Variants in ZGRF1 observed in about 807,000 individuals in gnomAD.
ZGRF1 encodes zinc finger GRF-type containing 1.
A neutral mutation model predicts 203.5 loss-of-function variants in ZGRF1; 196 were observed. The ratio of observed to expected loss-of-function variants is 0.96; its 90% CI spans 0.86 to 1.08. ZGRF1 has a LOEUF of 1.08. Ranked by LOEUF, ZGRF1 falls within the 50% of genes least tolerant of loss-of-function variation. The pLI is 0.00. For missense variants in ZGRF1, 2,326 were observed against 2,416.3 expected (o/e 0.96, Z 0.78); for synonymous variants, 809 against 841.3 (o/e 0.96, Z 0.66).
chr4:112,619,092 G>A lies in ZGRF1; in HGVS notation c.950C>T (p.Ser317Leu). 1 of 1,613,848 alleles carries A rather than the reference G, an allele frequency of 6.2e-7. No individual in the cohort carries two copies. The highest frequency in any genetic ancestry group is 8.5e-7 in the Non-Finnish European group (1 of 1,179,906). Residue 317 changes from serine to leucine, a missense_variant, in exon 6 of 28, where the codon TCA becomes TTA. By Grantham distance (145) the Ser-to-Leu change is moderately radical (BLOSUM62 -2). Coordinates refer to ENST00000505019, the MANE Select transcript of ZGRF1 (RefSeq NM_018392.5). ...GCTTTTATTTCTCATGGTATTTTCTGATTGATGCTGGTAGTATAAATTTTC... is the reference window on the plus strand; with the variant it reads ...GCTTTTATTTCTCATGGTATTTTCTAATTGATGCTGGTAGTATAAATTTTC... The part of the protein sequence containing the change: ...STENLYYQHQ[S>L]ENTMRNKSRW...
rs370768645 is a variant in ZGRF1 at position 112,562,592 on chromosome 4, CAT to C, written c.4583-109_4583-108del. The C allele has an allele frequency of 3.3e-4, 224 of 688,322 alleles. No individual in the cohort carries two copies. In the African/African-American group the frequency reaches 3.6e-3, roughly 11 times the overall value. 42.6% of individuals were successfully genotyped at this position (688,322 alleles called of 1,614,324 possible). ...CAGAGTTCAGCTACTGAATTAAGCACATGACATAAAACAAACCCTTAAACACA... is the reference window on the plus strand; with the variant it reads ...CAGAGTTCAGCTACTGAATTAAGCACGACATAAAACAAACCCTTAAACACA... On this transcript the variant is annotated intron_variant, in intron 17 of 27. Transcript: ENST00000505019.
intron 16 of ZGRF1, among the ~76,000 whole-genome samples, chr4:112,576,169 GTC>G (rs1460820315): frequency 6.6e-6 from 1 of 152,208 alleles, no homozygotes; most frequent in Non-Finnish European, 1.5e-5. Flanking sequence ...GGCAAACAGG[GTC>G]TGGAGTGGAC....
intron 19 of ZGRF1, 110 bp from the exon 20 acceptor site, chr4:112,558,419 G>C: frequency 1.1e-6 from 1 of 873,776 alleles, no homozygotes; most frequent in Non-Finnish European, 1.6e-6. Flanking sequence ...CCAGGCTGGA[G>C]TGCAGTGACA....
intron 11 of ZGRF1, 74 bp from the exon 12 acceptor site, chr4:112,588,003 T>C: frequency 9.2e-7 from 1 of 1,088,306 alleles, no homozygotes; most frequent in Non-Finnish European, 1.3e-6. Flanking sequence ...AAACAGTGGG[T>C]ATACAAAAGC....
chr4:112,555,064 A>G (rs1024618289), intron 20 of ZGRF1, among the ~76,000 whole-genome samples: 6 of 152,224 alleles, frequency 3.9e-5, no homozygotes, highest in Non-Finnish European at 7.3e-5. Context: ...AATTGCCTCT[A>G]AAGACATAAT....
In ZGRF1 at chr4:112,584,174, C is replaced by G. The variant is rs1451708037; in HGVS notation, c.4102G>C (p.Gly1368Arg). ...VMVKKEGPNK[G>R]RLFYTCDGPK... Reference sequence around the variant, plus strand: ...CCATCACATGTATAAAAGAGACGACCCTAAGGGGAAAGAAAAAAGATCAAC... The same window carrying G: ...CCATCACATGTATAAAAGAGACGACGCTAAGGGGAAAGAAAAAAGATCAAC... Residue 1368 changes from glycine (G) to arginine (R), a missense_variant and splice_region_variant, in exon 15 of 28, where the codon GGT (glycine) becomes CGT (arginine). By Grantham distance (125) the Gly-to-Arg change is moderately radical. Transcript: ENST00000505019. 6.4e-6 allele frequency: 10 copies of G among 1,554,078 alleles called. No individual in the cohort carries two copies. Among genetic ancestry groups the G allele is most frequent in the Non-Finnish European group, 8.7e-6 (10 of 1,154,778 alleles).
At chr4:112,548,091 A>G (rs1482594545) in intron 23 of ZGRF1, among the ~76,000 whole-genome samples, 162 bp downstream of exon 23, 1 of 151,988 alleles carries the variant, frequency 6.6e-6, no homozygotes, top group Non-Finnish European at 1.5e-5. Flanking sequence ...TTAGGCACAC[A>G]CTACCATGCC....
chr4:112,581,209 A>G (rs1746181765), intron 16 of ZGRF1, among the ~76,000 whole-genome samples: 1 of 145,626 alleles, frequency 6.9e-6, no homozygotes, highest in Non-Finnish European at 1.5e-5. Context: ...GTTCTCACTC[A>G]TAGGTGGGAA....
rs1737506918 is a variant in ZGRF1 at position 112,541,160 on chromosome 4, T to C, written c.5707A>G (p.Ile1903Val). 1.9e-6 allele frequency: 3 copies of C among 1,611,990 alleles called. No homozygotes were observed. The highest frequency in any genetic ancestry group is 2.2e-5 in the East Asian group (1 of 44,838). ...CATTCCAATAAAGGGCTCCGCTCTA[T>C]TTCTGTTACACCATTCATGAGGGCT... ...KGALMNGVTE[I>V]ERSPLLEWLP... Residue 1903 changes from isoleucine to valine, a missense_variant, in exon 25 of 28, where the codon ATA becomes GTA. Physicochemically the swap from Ile to Val is conservative, Grantham distance 29. Coordinates refer to ENST00000505019, the MANE Select transcript of ZGRF1 (RefSeq NM_018392.5).
At chr4:112,635,224 T>C (rs912922220) in intron 1 of ZGRF1, among the ~76,000 whole-genome samples, 2 of 150,302 alleles carry the variant, frequency 1.3e-5, no homozygotes, top group African/African-American at 5.0e-5. Context: ...GCCAAGAAGA[T>C]AAAAGAGAGA....
chr4:112,568,234 C>G (rs940105440), intron 16 of ZGRF1, among the ~76,000 whole-genome samples: 1 of 151,728 alleles, frequency 6.6e-6, no homozygotes, highest in Non-Finnish European at 1.5e-5. Context: ...AATGAAGATC[C>G]ATTTCCCAGA....
rs144483330 is a variant in ZGRF1 at position 112,630,207 on chromosome 4, G to A, written c.102+1723C>T. Among the ~76,000 whole-genome samples, 943 of 152,198 alleles carry A rather than the reference G, an allele frequency of 6.2e-3. 17 individuals are homozygous for A. Among genetic ancestry groups the A allele is most frequent in the African/African-American group, 0.02 (845 of 41,532 alleles). On this transcript the variant is annotated intron_variant, in intron 3 of 27. Transcript: ENST00000505019. ...GCTGTTTTAACAAATTAAATATTAA[G>A]AAATAGTAGGGCCAGGCGCAGTGGC...
chr4:112,553,911 G>A lies in ZGRF1; in HGVS notation c.5270C>T (p.Thr1757Ile). Residue 1757 changes from threonine (T) to isoleucine (I), a missense_variant, in exon 22 of 28, where the codon ACT (threonine) becomes ATT (isoleucine). Physicochemically the swap from Thr to Ile is moderately conservative, Grantham distance 89. Transcript: ENST00000505019. Reference sequence around the variant, plus strand: ...TCTCACATAGACTCTTTCCGTAGGAGTCAGGTCTTCTTTCATTAGTGCATG... The same window carrying A: ...TCTCACATAGACTCTTTCCGTAGGAATCAGGTCTTCTTTCATTAGTGCATG... Reference protein sequence around the residue: ...ELHALMKEDLTPTERVYVRKS... With the variant: ...ELHALMKEDLIPTERVYVRKS... The A allele has an allele frequency of 6.2e-7, 1 of 1,613,546 alleles. No homozygotes were observed. The highest frequency in any genetic ancestry group is 8.5e-7 in the Non-Finnish European group (1 of 1,179,638).
chr4:112,599,786 C>G (rs1271719627), intron 10 of ZGRF1, among the ~76,000 whole-genome samples: 1 of 152,016 alleles, frequency 6.6e-6, no homozygotes, highest in African/African-American at 2.4e-5. Flanking sequence ...ACCAATAAAT[C>G]AGAAGAGAAA....
At chr4:112,542,815 TTTTC>T (rs756056873) in intron 24 of ZGRF1, among the ~76,000 whole-genome samples, 4 of 151,878 alleles carry the variant, frequency 2.6e-5, no homozygotes, top group Non-Finnish European at 5.9e-5. Context: ...TTTCTTTTCT[TTTTC>T]TTTCTTTCTT....
chr4:112,609,931 T>C (rs1751337508), intron 7 of ZGRF1, among the ~76,000 whole-genome samples: 2 of 151,972 alleles, frequency 1.3e-5, no homozygotes, highest in Non-Finnish European at 2.9e-5. Flanking sequence ...CTTGAGCCCA[T>C]GAGTTTGAGA....
rs1285953294 is a variant in ZGRF1, at chr4:112,562,387, G to C, written c.4681C>G (p.Gln1561Glu). Residue 1561 changes from glutamine to glutamate, a missense_variant, in exon 18 of 28, where the codon CAG (glutamine) becomes GAG (glutamate). By Grantham distance (29) the Gln-to-Glu change is conservative (BLOSUM62 2). Transcript: ENST00000505019. ...ATGACTTACGTTGTTAACAGGTACTGTGTTAGAGGTAGAGTAGCTGGATTA... is the reference window on the plus strand; with the variant it reads ...ATGACTTACGTTGTTAACAGGTACTCTGTTAGAGGTAGAGTAGCTGGATTA... ...YFNPATLPLT[Q>E]YLLTTSSPTI... The C allele has an allele frequency of 6.3e-7, 1 of 1,597,390 alleles. No individual in the cohort carries two copies. The highest frequency in any genetic ancestry group is 1.7e-5 in the Admixed American group (1 of 59,174).
rs781766088 is a variant in ZGRF1 at position 112,589,706 on chromosome 4, C to G, written c.3127+18G>C. On this transcript the variant is annotated intron_variant, in intron 11 of 27. Transcript: ENST00000505019. ...TTAAATGAATAGACAGATATTAGAG[C>G]AATGTGGTAACGACTACCCTCCAAG... 6.2e-7 allele frequency: 1 copy of G among 1,608,658 alleles called. No individual in the cohort carries two copies. The highest frequency in any genetic ancestry group is 1.1e-5 in the South Asian group (1 of 90,926).
chr4:112,603,811 T>C (rs1750348585), intron 9 of ZGRF1, 114 bp from the exon 10 acceptor site: 2 of 689,776 alleles, frequency 2.9e-6, no homozygotes, highest in Non-Finnish European at 4.6e-6. Context: ...CAGGAACTAT[T>C]GTAAATACCA....
Sources: allele counts gnomAD v4.1 joint callset (sites outside exome capture counted in the v4.1 genomes callset), GRCh38; gene constraint gnomAD v4.1.1; transcripts MANE v1.5; gene names NCBI Gene and HGNC (gene_info 2026-07-23, HGNC 2026-07-21).